Variants in KCNH7 observed in about 807,000 individuals in gnomAD.
KCNH7 encodes potassium voltage-gated channel subfamily H member 7, also known as voltage-gated inwardly rectifying potassium channel KCNH7.
Under a neutral mutation model 120.8 loss-of-function variants are expected in KCNH7, and 49 were observed. That is an observed-to-expected ratio of 0.41 (90% CI 0.32 to 0.51). The LOEUF (loss-of-function observed/expected upper bound fraction) is 0.51, where lower values mean the gene tolerates loss of function less well. KCNH7 is among the 20% of genes least tolerant of loss of function. KCNH7 has a pLI of 0.38. For synonymous variants in KCNH7, 547 were observed against 516.1 expected (o/e 1.06, Z -0.81); for missense variants, 1,097 against 1,446.6 (o/e 0.76, Z 3.92).
intron 2 of KCNH7, among the ~76,000 whole-genome samples, chr2:162,720,825 T>G (rs375990705): frequency 1.3e-5 from 2 of 152,250 alleles, no homozygotes; most frequent in East Asian, 3.9e-4. Flanking sequence ...ACTCCTTTGT[T>G]GAGTTAGATA....
chr2:162,820,924 T>G (rs1038402395), intron 2 of KCNH7, among the ~76,000 whole-genome samples: 3 of 152,216 alleles, frequency 2.0e-5, no homozygotes, highest in African/African-American at 7.2e-5. Flanking sequence ...TCATTATTTT[T>G]TATTGTTTTT....
At chr2:162,510,896 A>G (rs772214545) in intron 5 of KCNH7, among the ~76,000 whole-genome samples, 1 of 151,760 alleles carries the variant, frequency 6.6e-6, no homozygotes, top group Non-Finnish European at 1.5e-5. Flanking sequence ...AAGACTTTGG[A>G]TTGAAAATTT....
At chr2:162,399,304 A>T (rs1176799118) in intron 10 of KCNH7, among the ~76,000 whole-genome samples, 2 of 151,866 alleles carry the variant, frequency 1.3e-5, no homozygotes, top group Middle Eastern at 3.4e-3. Context: ...CTAAAGAAGT[A>T]CTACAAGTTC....
chr2:162,818,132 A>G (rs1310644879), intron 2 of KCNH7, among the ~76,000 whole-genome samples: 1 of 151,722 alleles, frequency 6.6e-6, no homozygotes, highest in Non-Finnish European at 1.5e-5. Context: ...CATATTCATT[A>G]TTTTTTATTC....
intron 2 of KCNH7, among the ~76,000 whole-genome samples, chr2:162,835,125 A>G (rs1035374737): frequency 3.9e-5 from 6 of 152,144 alleles, no homozygotes; most frequent in Non-Finnish European, 7.4e-5. Flanking sequence ...TATTTCTAGT[A>G]TGCCAACACT....
chr2:162,405,099 AT>A (rs1687170598), intron 9 of KCNH7, among the ~76,000 whole-genome samples: 1 of 152,006 alleles, frequency 6.6e-6, no homozygotes, highest in African/African-American at 2.4e-5. Flanking sequence ...GATTTTAAAA[AT>A]TTCAAGTTCC....
At chr2:162,629,844 G>C (rs906384904) in intron 2 of KCNH7, among the ~76,000 whole-genome samples, 2 of 152,066 alleles carry the variant, frequency 1.3e-5, no homozygotes, top group African/African-American at 4.8e-5. Context: ...TGAATCTTTA[G>C]AGACAGAACA....
At chr2:162,503,542 C>A (rs1201873761) in intron 6 of KCNH7, among the ~76,000 whole-genome samples, 1 of 151,984 alleles carries the variant, frequency 6.6e-6, no homozygotes, top group Non-Finnish European at 1.5e-5. Context: ...CTTTTCATAG[C>A]TATTTCAGCT....
Position 162,695,554 on chromosome 2 carries a change from C to T in KCNH7, c.307+140983G>A, listed in dbSNP as rs185873652. On this transcript the variant is annotated intron_variant, in intron 2 of 15. Transcript: ENST00000332142. ...CTCTGTGCTGAGGAAAGTCACTGGG[C>T]ATCTGATGACCCTGAGAATCCCAAA... Among the ~76,000 whole-genome samples the T allele has an allele frequency of 4.6e-5, 7 of 152,276 alleles. No homozygotes were observed. The East Asian group carries it at 1.4e-3, about 29-fold the overall frequency.
chr2:162,387,101 AT>A (rs1686596777), intron 12 of KCNH7, among the ~76,000 whole-genome samples: 2 of 150,106 alleles, frequency 1.3e-5, no homozygotes, highest in Admixed American at 6.7e-5. Context: ...ATATCCTTGA[AT>A]TTTCCCCATT....
intron 2 of KCNH7, among the ~76,000 whole-genome samples, chr2:162,712,027 C>T (rs961379437): frequency 2.6e-5 from 4 of 152,122 alleles, no homozygotes; most frequent in African/African-American, 9.7e-5. Flanking sequence ...ATTTTCTCTT[C>T]AAAGCTTCAC....
chr2:162,533,082 T>C lies in KCNH7; in HGVS notation c.463+3843A>G, dbSNP rs1026161141. Among the ~76,000 whole-genome samples, 13 of 151,842 alleles carry C rather than the reference T, an allele frequency of 8.6e-5. No homozygotes were observed. The East Asian group carries it at 2.1e-3, about 25-fold the overall frequency. On this transcript the variant is annotated intron_variant, in intron 3 of 15. Transcript: ENST00000332142. Reference sequence around the variant, plus strand: ...TTTTGCTCAAAATAGGGAACCAAAATACACTGACTGAGGAAAAGAGGAAAG... The same window carrying C: ...TTTTGCTCAAAATAGGGAACCAAAACACACTGACTGAGGAAAAGAGGAAAG...
intron 2 of KCNH7, among the ~76,000 whole-genome samples, chr2:162,765,017 A>G (rs1682732573): frequency 6.6e-6 from 1 of 151,972 alleles, no homozygotes; most frequent in South Asian, 2.1e-4. Context: ...CACAATGCTG[A>G]CATGAATATC....
Position 162,689,403 on chromosome 2 carries a change from C to T in KCNH7, c.307+147134G>A, listed in dbSNP as rs760144881. On this transcript the variant is annotated intron_variant, in intron 2 of 15. Transcript: ENST00000332142. The stretch of plus-strand genomic sequence containing the variant: ...TTGACCTCAGGTGATCCACCTGCCT[C>T]GGCCGCCCAAAGTGCTGGGATTACA... Among the ~76,000 whole-genome samples, 27 of 151,968 alleles carry T rather than the reference C, an allele frequency of 1.8e-4. 1 individual carries two copies. In the South Asian group the frequency reaches 1.9e-3, roughly 10 times the overall value.
At chr2:162,727,148 A>G (rs1687557793) in intron 2 of KCNH7, among the ~76,000 whole-genome samples, 1 of 152,176 alleles carries the variant, frequency 6.6e-6, no homozygotes, top group Non-Finnish European at 1.5e-5. Context: ...ATCTACTCCA[A>G]AAGTCCTGGT....
intron 2 of KCNH7, among the ~76,000 whole-genome samples, chr2:162,680,233 C>T (rs1004460914): frequency 1.3e-5 from 2 of 151,524 alleles, no homozygotes; most frequent in African/African-American, 4.8e-5. Context: ...ACAATATTTT[C>T]ACCTGAGTCA....
intron 2 of KCNH7, among the ~76,000 whole-genome samples, chr2:162,663,384 CTTTA>C (rs1685033646): frequency 6.6e-6 from 1 of 152,148 alleles, no homozygotes; most frequent in Admixed American, 6.5e-5. Context: ...TCATATTTAG[CTTTA>C]TTTGAGGATA....
At chr2:162,544,101 A>C (rs1046641293) in intron 2 of KCNH7, among the ~76,000 whole-genome samples, 2 of 152,062 alleles carry the variant, frequency 1.3e-5, no homozygotes, top group Middle Eastern at 3.2e-3. Flanking sequence ...TAATAGGTAA[A>C]ATATGCCTCC....
At chr2:162,691,636 TAAC>T (rs1023966073) in intron 2 of KCNH7, among the ~76,000 whole-genome samples, 54 of 152,250 alleles carry the variant, frequency 3.5e-4, no homozygotes, top group African/African-American at 1.3e-3. Context: ...CTCATGAAAA[TAAC>T]AGGCTAAGAG....
Sources: gnomAD v4.1 joint callset for allele counts (sites outside exome capture counted in the v4.1 genomes callset) on GRCh38, gnomAD v4.1.1 for gene constraint, MANE v1.5 for transcripts, NCBI Gene and HGNC (gene_info 2026-07-23, HGNC 2026-07-21) for gene names.